Variants in C8A observed in about 807,000 individuals in gnomAD.
C8A encodes complement C8 alpha chain.
Under a neutral mutation model 65.3 loss-of-function variants are expected in C8A, and 67 were observed. The observed-to-expected ratio is 1.03, with a 90% CI of 0.84 to 1.26. The LOEUF (loss-of-function observed/expected upper bound fraction) is 1.26. Ranked by LOEUF, C8A falls within the 50% of genes most tolerant of loss-of-function variation. The probability of loss-of-function intolerance (pLI) is 0.00; values close to 1 mark genes in which losing one functional copy is unlikely to be tolerated. For missense variants in C8A, 781 were observed against 723.9 expected, an observed-to-expected ratio of 1.08 and a Z score of -0.90; for synonymous variants, 290 against 259.4, an observed-to-expected ratio of 1.12 and a Z score of -1.13.
intron 3 of C8A, 70 bp downstream of exon 3, chr1:56,875,163 G>A: frequency 6.4e-7 from 1 of 1,561,836 alleles, no homozygotes; most frequent in Non-Finnish European, 8.7e-7. Context: ...TCCCCAGGGA[G>A]CTTATTAAAA....
At chr1:56,913,551 A>T (rs560232391) in intron 10 of C8A, among the ~76,000 whole-genome samples, 7 of 152,216 alleles carry the variant, frequency 4.6e-5, no homozygotes, top group Non-Finnish European at 7.3e-5. Context: ...TGAGACACTA[A>T]TTGTTCACAT....
At chr1:56,911,680 G>C (rs1017995531) in intron 9 of C8A, among the ~76,000 whole-genome samples, 3 of 152,172 alleles carry the variant, frequency 2.0e-5, no homozygotes, top group African/African-American at 7.2e-5. Context: ...AACTTGATAC[G>C]CAATAGTGCC....
rs760541897 is a variant in C8A, at chr1:56,907,974, T to C, written c.1241T>C (p.Met414Thr). 31 of 1,614,096 alleles carry C rather than the reference T, an allele frequency of 1.9e-5. No individual in the cohort carries two copies. The highest frequency in any genetic ancestry group is 2.5e-5 in the Non-Finnish European group (29 of 1,180,030). ...GGKTERARKAMAVEDIISRVR... is the reference protein window; with the variant it reads ...GGKTERARKATAVEDIISRVR... ...ATGGCAGAAAGGGCCAGGAAGGCCA[T>C]GGCTGTGGAAGACATTATTTCTCGG... The change falls in exon 9 of 11, where the codon ATG becomes ACG. Residue 414 changes from methionine (M) to threonine (T), a missense_variant. Physicochemically the swap from Met to Thr is moderately conservative, Grantham distance 81. Transcript: ENST00000361249.
intron 5 of C8A, 136 bp downstream of exon 5, chr1:56,881,770 C>A: frequency 1.3e-6 from 1 of 797,168 alleles, no homozygotes; most frequent in Non-Finnish European, 2.1e-6. Context: ...CTCCTTCATA[C>A]CCATCCCCAC....
intron 4 of C8A, among the ~76,000 whole-genome samples, chr1:56,880,909 G>A (rs906177768): frequency 1.3e-5 from 2 of 152,176 alleles, no homozygotes; most frequent in African/African-American, 4.8e-5. Flanking sequence ...GCTAGATGTG[G>A]CAGAGATGGG....
At chr1:56,916,252 G>A (rs902713978) in intron 10 of C8A, among the ~76,000 whole-genome samples, 4 of 152,234 alleles carry the variant, frequency 2.6e-5, no homozygotes, top group Admixed American at 6.5e-5. Context: ...AGTGCAGTTA[G>A]TTCATTGCAG....
At chr1:56,858,845 G>A (rs552678913) in intron 1 of C8A, among the ~76,000 whole-genome samples, 2 of 152,262 alleles carry the variant, frequency 1.3e-5, no homozygotes, top group Admixed American at 6.5e-5. Context: ...AATCAATCTG[G>A]GATTAAGTCC....
intron 10 of C8A, 85 bp downstream of exon 10, chr1:56,912,710 C>T (rs1644519463): frequency 2.3e-6 from 3 of 1,276,774 alleles, no homozygotes; most frequent in Non-Finnish European, 3.4e-6. Flanking sequence ...GTTCCCGGCC[C>T]CTCCTTTTGG....
chr1:56,907,397 C>A (rs1644474340), intron 8 of C8A, among the ~76,000 whole-genome samples: 1 of 152,158 alleles, frequency 6.6e-6, no homozygotes, highest in South Asian at 2.1e-4. Flanking sequence ...CATTAGGTTA[C>A]CTGTACCTCA....
At chr1:56,875,159 G>A in intron 3 of C8A, 66 bp downstream of exon 3, 7 of 1,569,932 alleles carry the variant, frequency 4.5e-6, no homozygotes, top group Non-Finnish European at 5.2e-6. Flanking sequence ...CACTTCCCCA[G>A]GGAGCTTATT....
chr1:56,895,152 G>A (rs948919090), intron 7 of C8A, among the ~76,000 whole-genome samples: 1 of 152,046 alleles, frequency 6.6e-6, no homozygotes, highest in African/African-American at 2.4e-5. Flanking sequence ...TTTAGATTTT[G>A]TATATCTTCC....
intron 7 of C8A, among the ~76,000 whole-genome samples, chr1:56,902,040 AAGTCTC>A (rs199867055): frequency 6.6e-6 from 1 of 152,064 alleles, no homozygotes; most frequent in East Asian, 1.9e-4. Flanking sequence ...TGTGTTCTTA[AAGTCTC>A]AGGATCATGG....
At chr1:56,912,197 G>C (rs965889630) in intron 9 of C8A, among the ~76,000 whole-genome samples, 2 of 152,196 alleles carry the variant, frequency 1.3e-5, no homozygotes, top group African/African-American at 4.8e-5. Flanking sequence ...TAAACACTGA[G>C]CCTCCCTTTC....
chr1:56,876,928 A>T (rs569249781), intron 4 of C8A, among the ~76,000 whole-genome samples: 2 of 152,100 alleles, frequency 1.3e-5, no homozygotes, highest in East Asian at 1.9e-4. Flanking sequence ...CCCCACATTT[A>T]TGTGTTGAAG....
At chr1:56,867,545 C>A in intron 1 of C8A, 64 bp from the exon 2 acceptor site, 1 of 1,167,942 alleles carries the variant, frequency 8.6e-7, no homozygotes, top group Non-Finnish European at 1.3e-6. Context: ...AAAATGTGCA[C>A]AGCTTTCTCA....
chr1:56,871,987 C>A (rs1308827538), intron 2 of C8A, among the ~76,000 whole-genome samples: 1 of 152,122 alleles, frequency 6.6e-6, no homozygotes, highest in African/African-American at 2.4e-5. Context: ...TGTACCAGAT[C>A]CCTGTTGCTT....
At chr1:56,874,916 AC>A (rs1644183062) in intron 2 of C8A, 32 bp from the exon 3 acceptor site, 2 of 1,612,568 alleles carry the variant, frequency 1.2e-6, no homozygotes, top group Admixed American at 3.3e-5. Flanking sequence ...TGATTGGTTG[AC>A]AAGAATGTGT....
At chr1:56,897,611 G>T (rs1011819902) in intron 7 of C8A, among the ~76,000 whole-genome samples, 1 of 152,194 alleles carries the variant, frequency 6.6e-6, no homozygotes, top group Non-Finnish European at 1.5e-5. Context: ...CATGTGAGGA[G>T]AGTGATTGGG....
intron 1 of C8A, among the ~76,000 whole-genome samples, chr1:56,861,696 G>T (rs112372311): frequency 1.3e-5 from 2 of 152,296 alleles, no homozygotes; most frequent in African/African-American, 4.8e-5. Context: ...GCAACATGGA[G>T]GTTGCTGAAG....
Sources: gnomAD v4.1 joint callset for allele counts (sites outside exome capture counted in the v4.1 genomes callset) on GRCh38, gnomAD v4.1.1 for gene constraint, MANE v1.5 for transcripts, NCBI Gene and HGNC (gene_info 2026-07-23, HGNC 2026-07-21) for gene names.